CTDP1: variants seen among roughly 807,000 people sequenced by gnomAD.
The protein encoded by CTDP1 is RNA polymerase II subunit A C-terminal domain phosphatase.
A neutral mutation model predicts 91.8 loss-of-function variants in CTDP1; 47 were observed. That is an observed-to-expected ratio of 0.51 (90% CI 0.41 to 0.65). CTDP1 has a LOEUF of 0.65. Among genes scored for constraint, CTDP1 ranks in the 30% least tolerant of loss-of-function variants. CTDP1 has a pLI of 0.00. For synonymous variants in CTDP1, 656 were observed against 598.5 expected (o/e 1.10, Z -1.40); for missense variants, 1,272 against 1,373.7 (o/e 0.93, Z 1.17).
At chr18:79,684,954 C>G (rs62097706) in intron 1 of CTDP1, among the ~76,000 whole-genome samples, 453 of 98,544 alleles carry the variant, frequency 4.6e-3, no homozygotes, top group African/African-American at 0.017. Flanking sequence ...GTGGTCTCTA[C>G]TCCCGGTTTC....
intron 12 of CTDP1, 101 bp downstream of exon 12, chr18:79,736,622 C>T (rs184590300): frequency 4.3e-5 from 53 of 1,224,630 alleles, no homozygotes; most frequent in Non-Finnish European, 5.4e-5. Flanking sequence ...TCACGCCCTC[C>T]ACCATTCTGT....
At position 79,704,892 on chromosome 18, in the gene CTDP1, C is replaced by A; in HGVS notation, c.747C>A (p.Ser249Arg). ...LYELHVFTFG[S>R]RLYAHTIAGF... ...AGCTGCACGTCTTCACCTTCGGCAG[C>A]CGGCTGTACGCACACACCATCGCAG... is the stretch of plus-strand genomic sequence containing the variant. The change falls in exon 5 of 13, where the codon AGC (serine) becomes AGA (arginine). Residue 249 changes from serine to arginine, a missense_variant. Ser to Arg is a moderately radical substitution (Grantham distance 110, BLOSUM62 -1). Coordinates refer to ENST00000613122, the MANE Select transcript of CTDP1 (RefSeq NM_004715.5). 6.2e-7 allele frequency: 1 copy of A among 1,613,504 alleles called. No individual in the cohort carries two copies. The highest frequency in any genetic ancestry group is 8.5e-7 in the Non-Finnish European group (1 of 1,180,060).
chr18:79,743,984 C>T (rs2086832617), intron 12 of CTDP1, among the ~76,000 whole-genome samples: 2 of 152,230 alleles, frequency 1.3e-5, no homozygotes, highest in South Asian at 4.1e-4. Context: ...GAGACAGATG[C>T]AGCTCAGGGC....
intron 10 of CTDP1, among the ~76,000 whole-genome samples, chr18:79,727,596 C>A (rs2086477649): frequency 6.6e-6 from 1 of 152,196 alleles, no homozygotes; most frequent in Non-Finnish European, 1.5e-5. Flanking sequence ...TTCCAAACAG[C>A]GCAGATCAGC....
At chr18:79,696,174 C>A in intron 3 of CTDP1, 104 bp downstream of exon 3, 1 of 935,392 alleles carries the variant, frequency 1.1e-6, no homozygotes, top group Non-Finnish European at 1.7e-6. Flanking sequence ...TGGTTGTCAT[C>A]GTCGTTACTG....
In CTDP1 at chr18:79,714,554, TAAC is replaced by T. The variant is rs765256411; in HGVS notation, c.1095_1097del (p.Thr366del). On this transcript the variant is annotated inframe_deletion, in exon 8 of 13. Transcript: ENST00000613122. ...CCGCCCGTGAGAGACCCTGAGGGGG[TAAC>T]GCAGGCCCCTGGAGTGGAGCCCAGC... The T allele has an allele frequency of 6.2e-7, 1 of 1,612,946 alleles. No homozygotes were observed. Among genetic ancestry groups the T allele is most frequent in the Non-Finnish European group, 8.5e-7 (1 of 1,180,004 alleles).
chr18:79,705,596 G>A (rs993999288), intron 5 of CTDP1, among the ~76,000 whole-genome samples: 4 of 151,766 alleles, frequency 2.6e-5, no homozygotes, highest in African/African-American at 7.3e-5. Flanking sequence ...GCGGGACGGC[G>A]ACCGTCTGTC....
chr18:79,735,406 A>T (rs2086647090), intron 11 of CTDP1, among the ~76,000 whole-genome samples: 1 of 152,076 alleles, frequency 6.6e-6, no homozygotes, highest in Admixed American at 6.6e-5. Context: ...AACGTCGGAG[A>T]GCTGTGAGCG....
chr18:79,704,388 A>T (rs1481049541), intron 4 of CTDP1, among the ~76,000 whole-genome samples: 1 of 150,326 alleles, frequency 6.7e-6, no homozygotes, highest in Non-Finnish European at 1.5e-5. Context: ...CCTCTGTCCC[A>T]TGCCCACGTG....
chr18:79,700,567 G>A (rs888207734), intron 4 of CTDP1, among the ~76,000 whole-genome samples: 8 of 152,216 alleles, frequency 5.3e-5, no homozygotes, highest in African/African-American at 1.9e-4. Flanking sequence ...AAGAAAAGCT[G>A]GAAACCAGCA....
At chr18:79,715,943 C>T (rs182865867) in intron 8 of CTDP1, among the ~76,000 whole-genome samples, 2 of 152,176 alleles carry the variant, frequency 1.3e-5, no homozygotes, top group South Asian at 2.1e-4. Flanking sequence ...CAGAAGGACA[C>T]GTTGTGGCTG....
intron 5 of CTDP1, among the ~76,000 whole-genome samples, chr18:79,709,135 T>C (rs2086028311): frequency 6.6e-6 from 1 of 152,256 alleles, no homozygotes; most frequent in Non-Finnish European, 1.5e-5. Flanking sequence ...GACATTGAAC[T>C]TGATGCCTCC....
intron 8 of CTDP1, among the ~76,000 whole-genome samples, chr18:79,716,101 T>TA (rs939001579): frequency 3.3e-5 from 5 of 152,278 alleles, no homozygotes; most frequent in African/African-American, 9.6e-5. Flanking sequence ...CCCCGGTGCT[T>TA]AAAAAACCCA....
chr18:79,677,026 C>T (rs142773554), upstream of CTDP1, among the ~76,000 whole-genome samples: 79 of 152,352 alleles, frequency 5.2e-4, no homozygotes, highest in African/African-American at 1.7e-3. Flanking sequence ...TCAGTTCCAT[C>T]GAGGTCTGTA....
downstream of CTDP1, chr18:79,756,217 C>T (rs9946977): frequency 0.17 from 26,599 of 152,390 alleles, 2,656 homozygotes; most frequent in Non-Finnish European, 0.24. Context: ...CCGCCTGTCT[C>T]ACTGTTGGCC....
chr18:79,746,344 GTTCTGACCCTGCGTCCCTCCCATGCGC>G (rs1568220016), intron 12 of CTDP1, among the ~76,000 whole-genome samples: 49 of 146,270 alleles, frequency 3.3e-4, no homozygotes, highest in African/African-American at 1.2e-3. Flanking sequence ...TCCCGTGCGC[GTTCTGACCCTGCGTCCCTCCCATGCGC>G]GTTCTGTCCG....
chr18:79,714,734 C>T lies in CTDP1; in HGVS notation c.1274C>T (p.Pro425Leu). Residue 425 changes from proline to leucine, a missense_variant, in exon 8 of 13, where the codon CCC (proline) becomes CTC (leucine). Pro to Leu is a moderately conservative substitution (Grantham distance 98). Transcript: ENST00000613122. ...CAAGAGCTGGCAGGCGCTCCTGAGCCCCAGGGATCCTGTGCGCAGGGTGGC... is the reference window on the plus strand; with the variant it reads ...CAAGAGCTGGCAGGCGCTCCTGAGCTCCAGGGATCCTGTGCGCAGGGTGGC... ...SSQELAGAPE[P>L]QGSCAQGGRV... 1 of 1,602,390 alleles carries T rather than the reference C, an allele frequency of 6.2e-7. No individual in the cohort carries two copies. Among genetic ancestry groups the T allele is most frequent in the Non-Finnish European group, 8.5e-7 (1 of 1,175,248 alleles).
intron 8 of CTDP1, among the ~76,000 whole-genome samples, chr18:79,715,773 A>C (rs567183998): frequency 1.3e-5 from 2 of 152,322 alleles, no homozygotes; most frequent in South Asian, 4.1e-4. Context: ...AGAAAGTTCA[A>C]CCTTCTCCCT....
upstream of CTDP1, chr18:79,679,597 G>A (rs1269436086): frequency 6.3e-6 from 3 of 473,218 alleles, no homozygotes; most frequent in Non-Finnish European, 8.4e-6. Context: ...GGGACTGGGC[G>A]ACAGCGGCCC....
Sources: allele counts gnomAD v4.1 joint callset (sites outside exome capture counted in the v4.1 genomes callset), GRCh38; gene constraint gnomAD v4.1.1; transcripts MANE v1.5; gene names NCBI Gene and HGNC (gene_info 2026-07-23, HGNC 2026-07-21).